Variants in UGT1A8 observed in about 807,000 individuals in gnomAD.
UGT1A8 encodes the protein UDP-glucuronosyltransferase 1A8.
In UGT1A8, 39 loss-of-function variants were observed where a neutral mutation model predicts 45.3. That is an observed-to-expected ratio of 0.86 (90% CI 0.67 to 1.12). The LOEUF is 1.12. Ranked by LOEUF, UGT1A8 falls within the 50% of genes most tolerant of loss-of-function variation. The probability of loss-of-function intolerance (pLI) is 0.00; values close to 1 mark genes in which losing one functional copy is unlikely to be tolerated. For missense variants in UGT1A8, 719 were observed against 664.9 expected (o/e 1.08, Z -0.90); for synonymous variants, 275 against 249.2 (o/e 1.10, Z -0.97).
At chr2:233,656,312 A>G (rs1218526482) in intron 1 of UGT1A8, among the ~76,000 whole-genome samples, 1 of 152,244 alleles carries the variant, frequency 6.6e-6, no homozygotes, top group Non-Finnish European at 1.5e-5. Context: ...TAAACTGGCC[A>G]GAACCAGTCT....
At chr2:233,750,502 A>T (rs1694477607) in intron 1 of UGT1A8, 1 of 152,122 alleles carries the variant, frequency 6.6e-6, no homozygotes, top group East Asian at 1.9e-4. Context: ...GAGGAGCCAA[A>T]TGTTAATTGC....
intron 1 of UGT1A8, chr2:233,755,708 G>A (rs6747843): frequency 0.3 from 46,013 of 153,542 alleles, 7,045 homozygotes; most frequent in South Asian, 0.39. Context: ...AAGACATCCT[G>A]TTGTTTAGGA....
Position 233,699,006 on chromosome 2 carries a change from C to G in UGT1A8, c.856-68028C>G, listed in dbSNP as rs35189350. On this transcript the variant is annotated intron_variant, in intron 1 of 4. Transcript: ENST00000373450. ...CAGGTGGTGATTCCTGCTGTAAGAACATGAGAGGCTGAGCCACCAGGCAGT... is the reference window on the plus strand; with the variant it reads ...CAGGTGGTGATTCCTGCTGTAAGAAGATGAGAGGCTGAGCCACCAGGCAGT... 5.9e-3 allele frequency among the ~76,000 whole-genome samples: 904 copies of G among 152,336 alleles called. 8 individuals carry two copies. The highest frequency in any genetic ancestry group is 0.014 in the Middle Eastern group (4 of 294).
chr2:233,735,013 G>A (rs1042538145), intron 1 of UGT1A8, among the ~76,000 whole-genome samples: 1 of 152,194 alleles, frequency 6.6e-6, no homozygotes, highest in Non-Finnish European at 1.5e-5. Context: ...GGAGAGTTCT[G>A]TAGATGTCTA....
At chr2:233,620,427 G>A (rs2072980412) in intron 1 of UGT1A8, among the ~76,000 whole-genome samples, 1 of 152,116 alleles carries the variant, frequency 6.6e-6, no homozygotes, top group Non-Finnish European at 1.5e-5. Flanking sequence ...CCCACACTGA[G>A]TTTATTGTGG....
chr2:233,662,828 T>G (rs1261078199), intron 1 of UGT1A8, among the ~76,000 whole-genome samples: 1 of 152,052 alleles, frequency 6.6e-6, no homozygotes, highest in Non-Finnish European at 1.5e-5. Flanking sequence ...TTTTTTTTTT[T>G]TTTTGTCAGA....
chr2:233,767,712 C>G (rs1699458163), intron 2 of UGT1A8, 137 bp from the exon 3 acceptor site: 1 of 1,533,444 alleles, frequency 6.5e-7, no homozygotes, highest in African/African-American at 1.4e-5. Flanking sequence ...CCTCAGAAGC[C>G]TTCACAGTTA....
intron 1 of UGT1A8, chr2:233,719,325 G>A (rs771082212): frequency 1.1e-5 from 18 of 1,613,804 alleles, no homozygotes; most frequent in African/African-American, 2.7e-5. Flanking sequence ...GTCGATTCCT[G>A]CTGTGTTTTT....
intron 1 of UGT1A8, among the ~76,000 whole-genome samples, chr2:233,733,498 T>C (rs1311327798): frequency 2.0e-5 from 3 of 152,236 alleles, no homozygotes; most frequent in Non-Finnish European, 4.4e-5. Context: ...ACCTAGTTTA[T>C]TGCCAGTTTT....
intron 1 of UGT1A8, among the ~76,000 whole-genome samples, chr2:233,724,658 G>T (rs1029278749): frequency 7.0e-6 from 1 of 142,980 alleles, no homozygotes; most frequent in South Asian, 2.5e-4. Context: ...GGGAAGAGGC[G>T]CTCCTCACTT....
At chr2:233,672,011 G>A (rs796311461) in intron 1 of UGT1A8, 2 of 1,614,010 alleles carry the variant, frequency 1.2e-6, no homozygotes, top group South Asian at 1.1e-5. Context: ...GCCGAGGCAG[G>A]GAAGCTACTG....
At chr2:233,658,558 T>A (rs1255989688) in intron 1 of UGT1A8, among the ~76,000 whole-genome samples, 1 of 152,228 alleles carries the variant, frequency 6.6e-6, no homozygotes, top group African/African-American at 2.4e-5. Flanking sequence ...TCGATGACTT[T>A]GACAGTTTTG....
At chr2:233,671,556 T>C (rs1234511276) in intron 1 of UGT1A8, among the ~76,000 whole-genome samples, 1 of 152,204 alleles carries the variant, frequency 6.6e-6, no homozygotes, top group East Asian at 1.9e-4. Context: ...ATCTAAATTT[T>C]GCTCTGGGAC....
At chr2:233,722,579 C>T (rs1172017514) in intron 1 of UGT1A8, among the ~76,000 whole-genome samples, 1 of 152,116 alleles carries the variant, frequency 6.6e-6, no homozygotes, top group Non-Finnish European at 1.5e-5. Context: ...TTTGCAACTT[C>T]GTTAGAGGAC....
intron 1 of UGT1A8, among the ~76,000 whole-genome samples, chr2:233,766,279 G>A (rs886209261): frequency 2.6e-5 from 4 of 151,814 alleles, no homozygotes; most frequent in Non-Finnish European, 4.4e-5. Context: ...TCGGTGGCCC[G>A]GGCTCGGTGG....
At chr2:233,717,439 G>T (rs542098595) in intron 1 of UGT1A8, among the ~76,000 whole-genome samples, 3 of 152,154 alleles carry the variant, frequency 2.0e-5, no homozygotes, top group African/African-American at 7.2e-5. Context: ...TCTGATGGAC[G>T]CATCCATTCA....
chr2:233,773,203 A>T lies in UGT1A8; in HGVS notation c.*644A>T, dbSNP rs1464666615. On this transcript the variant is annotated 3_prime_UTR_variant, in exon 5 of 5. Coordinates refer to ENST00000373450, the MANE Select transcript of UGT1A8 (RefSeq NM_019076.5). ...TATGTCAAATGGAGCTGAATTTGAT[A>T]AAAACCCAAAATACAGCTATGAAGT... The T allele has an allele frequency of 6.6e-6, 1 of 152,516 alleles. No homozygotes were observed. The highest frequency in any genetic ancestry group is 2.4e-5 in the African/African-American group (1 of 41,468). 9.4% of individuals were successfully genotyped at this position (152,516 alleles called of 1,614,324 possible). A position where few individuals can be genotyped will look rare whatever the true frequency, so the allele number is the denominator to read the frequency against.
At chr2:233,676,653 C>T (rs1302498831) in intron 1 of UGT1A8, among the ~76,000 whole-genome samples, 1 of 152,156 alleles carries the variant, frequency 6.6e-6, no homozygotes, top group Non-Finnish European at 1.5e-5. Context: ...TTTTTAGTGA[C>T]TTGGGCAGTT....
chr2:233,704,330 C>G, intron 1 of UGT1A8, among the ~76,000 whole-genome samples: 1 of 143,058 alleles, frequency 7.0e-6, no homozygotes, highest in East Asian at 2.0e-4. Context: ...TTTCTTTCCA[C>G]TATTTAAAAA....
Sources: allele counts gnomAD v4.1 joint callset (sites outside exome capture counted in the v4.1 genomes callset), GRCh38; gene constraint gnomAD v4.1.1; transcripts MANE v1.5; gene names NCBI Gene and HGNC (gene_info 2026-07-23, HGNC 2026-07-21).